LAMA2: variants seen among roughly 807,000 people sequenced by gnomAD.
The protein encoded by LAMA2 is laminin subunit alpha-2.
A neutral mutation model predicts 364.8 loss-of-function variants in LAMA2; 269 were observed. That is an observed-to-expected ratio of 0.74 (90% CI 0.67 to 0.82). LAMA2 has a LOEUF of 0.82. Among genes scored for constraint, LAMA2 ranks in the 40% least tolerant of loss-of-function variants. The pLI, the probability that LAMA2 is intolerant of heterozygous loss-of-function variation, is 0.00. For synonymous variants in LAMA2, 1,379 were observed against 1,370.6 expected (o/e 1.01, Z -0.14); for missense variants, 3,807 against 3,873.2 (o/e 0.98, Z 0.45).
rs570057124 is a variant in LAMA2, at chr6:129,258,393, G to A, written c.2097-2318G>A. On this transcript the variant is annotated intron_variant, in intron 14 of 64. Transcript: ENST00000421865. Reference sequence around the variant, plus strand: ...AATAAACAAAATGTGGCATGTACATGCAGTGAACATTAGTCATTAAAAGGA... The same window carrying A: ...AATAAACAAAATGTGGCATGTACATACAGTGAACATTAGTCATTAAAAGGA... 2.6e-5 allele frequency among the ~76,000 whole-genome samples: 4 copies of A among 152,156 alleles called. No individual in the cohort carries two copies. In the East Asian group the frequency reaches 7.7e-4, roughly 29 times the overall value.
At position 129,460,322 on chromosome 6, in the gene LAMA2, C is replaced by G. The variant is rs977540447; in HGVS notation, c.6990C>G (p.Val2330=). Residue 2330 remains valine (V), a splice_region_variant and synonymous_variant, in exon 49 of 65, where the codon GTC becomes GTG. Transcript: ENST00000421865. ...AAGGTGACTGCAAAGGATGCACTGT[C>G]AGGTTAGTTGAGATGAGAACTCTCC... The part of the protein sequence containing the change: ...EKEGDCKGCT[V]SPQVEDSEGT... 1.1e-5 allele frequency: 18 copies of G among 1,611,830 alleles called. No individual in the cohort carries two copies. The highest frequency in any genetic ancestry group is 1.1e-5 in the South Asian group (1 of 91,034).
intron 1 of LAMA2, among the ~76,000 whole-genome samples, chr6:128,912,007 T>G (rs1172076617): frequency 6.6e-6 from 1 of 152,210 alleles, no homozygotes; most frequent in African/African-American, 2.4e-5. Context: ...CATTTTCCGT[T>G]GAATGAATGT....
intron 37 of LAMA2, 133 bp from the exon 38 acceptor site, chr6:129,401,091 C>T: frequency 1.3e-6 from 1 of 753,898 alleles, no homozygotes; most frequent in Non-Finnish European, 2.4e-6. Flanking sequence ...ATATTTTTCT[C>T]ATCTAGCCAC....
rs1347932494 is a variant in LAMA2, at chr6:128,940,082, T to C, written c.112+56725T>C. On this transcript the variant is annotated intron_variant, in intron 1 of 64. Coordinates refer to ENST00000421865, the MANE Select transcript of LAMA2 (RefSeq NM_000426.4). ...CATGATTTTGCCTCAGTTTTTCAAG[T>C]TATGTTTTGTTCATAATGGATTTTT... is the stretch of plus-strand genomic sequence containing the variant. Among the ~76,000 whole-genome samples, 4 of 151,076 alleles carry C rather than the reference T, an allele frequency of 2.6e-5. No individual in the cohort carries two copies. The East Asian group carries it at 5.8e-4, about 22-fold the overall frequency.
At chr6:128,888,294 C>T (rs1406007200) in intron 1 of LAMA2, among the ~76,000 whole-genome samples, 1 of 152,048 alleles carries the variant, frequency 6.6e-6, no homozygotes. Flanking sequence ...GGCCTATATG[C>T]ATTGGAATGT....
chr6:128,892,691 A>C (rs1479065101), intron 1 of LAMA2, among the ~76,000 whole-genome samples: 2 of 151,920 alleles, frequency 1.3e-5, no homozygotes, highest in Admixed American at 1.3e-4. Flanking sequence ...ATCTCTCAAT[A>C]TAGATTGTCT....
rs1393087449 is a variant in LAMA2 at position 129,393,035 on chromosome 6, G to A, written c.5235-10G>A. The A allele has an allele frequency of 6.2e-7, 1 of 1,610,796 alleles. No homozygotes were observed. On this transcript the variant is annotated splice_polypyrimidine_tract_variant and intron_variant, in intron 36 of 64. Transcript: ENST00000421865. ...CTCATTGTCTATTATTGGGCTGGGG[G>A]TGGTTACAGAGCTGCAGAAGCCCTT... is the stretch of plus-strand genomic sequence containing the variant.
chr6:129,215,110 C>G (rs1321211469), intron 12 of LAMA2, among the ~76,000 whole-genome samples: 1 of 151,902 alleles, frequency 6.6e-6, no homozygotes, highest in East Asian at 1.9e-4. Context: ...ACTTTTATAC[C>G]ACCTTTTTCT....
chr6:129,191,315 C>G (rs1000282342), intron 11 of LAMA2, among the ~76,000 whole-genome samples: 1 of 152,180 alleles, frequency 6.6e-6, no homozygotes, highest in Non-Finnish European at 1.5e-5. Flanking sequence ...AAAATATTTT[C>G]TCTGCCTGCA....
chr6:129,455,035 T>G (rs961464882), intron 47 of LAMA2, among the ~76,000 whole-genome samples: 17 of 152,088 alleles, frequency 1.1e-4, no homozygotes, highest in African/African-American at 3.9e-4. Context: ...TAGAGTTTCA[T>G]GCTGTTTGTA....
intron 3 of LAMA2, among the ~76,000 whole-genome samples, chr6:129,081,241 T>C (rs1175898632): frequency 7.5e-6 from 1 of 132,978 alleles, no homozygotes; most frequent in Non-Finnish European, 1.6e-5. Context: ...CGGGGCCTGT[T>C]GTGGGGTGGG....
intron 12 of LAMA2, among the ~76,000 whole-genome samples, chr6:129,232,621 A>G (rs1784735003): frequency 6.6e-6 from 1 of 152,134 alleles, no homozygotes; most frequent in Admixed American, 6.6e-5. Flanking sequence ...GTATTTCTTT[A>G]TATTGACTGA....
At chr6:129,169,981 T>C (rs533736054) in intron 9 of LAMA2, among the ~76,000 whole-genome samples, 1 of 151,396 alleles carries the variant, frequency 6.6e-6, no homozygotes. Context: ...TGATTTTAGT[T>C]TGTATTTCTG....
At chr6:129,157,360 C>A (rs1047437695) in intron 8 of LAMA2, among the ~76,000 whole-genome samples, 1 of 152,164 alleles carries the variant, frequency 6.6e-6, no homozygotes, top group African/African-American at 2.4e-5. Flanking sequence ...CAGCTTGTAT[C>A]CTAATAAGAG....
Position 128,929,711 on chromosome 6 carries a change from C to T in LAMA2, c.112+46354C>T, listed in dbSNP as rs1287377054. 4.3e-6 allele frequency: 6 copies of T among 1,395,782 alleles called. No individual in the cohort carries two copies. In the Admixed American group the frequency reaches 1.0e-4, roughly 23 times the overall value. The allele number at this position is 1,395,782 out of a possible 1,614,324, so 86.5% of individuals were successfully genotyped here. A position where few individuals can be genotyped will look rare whatever the true frequency, so the allele number is the denominator to read the frequency against. ...CAAGGGCAATCACCCGATGAAACCT[C>T]AAGGTCAGACCTTCCCAATTCTTGT... On this transcript the variant is annotated intron_variant, in intron 1 of 64. Coordinates refer to ENST00000421865, the MANE Select transcript of LAMA2 (RefSeq NM_000426.4).
intron 34 of LAMA2, among the ~76,000 whole-genome samples, chr6:129,371,452 A>G (rs550942459): frequency 1.3e-5 from 2 of 152,274 alleles, no homozygotes; most frequent in Admixed American, 1.3e-4. Context: ...ATGGCATTTC[A>G]TTCATTCATT....
chr6:129,204,454 C>T lies in LAMA2; in HGVS notation c.1782+11601C>T, dbSNP rs971629227. On this transcript the variant is annotated intron_variant, in intron 12 of 64. Transcript: ENST00000421865. ...ATAATATCCTTAAGGTGGGCGCTAA[C>T]GCAATATGACTGGTATCCTTATGAA... Among the ~76,000 whole-genome samples the T allele has an allele frequency of 6.0e-5, 9 of 149,172 alleles. 1 individual carries two copies. In the East Asian group the frequency reaches 9.8e-4, roughly 16 times the overall value.
chr6:129,086,100 T>A (rs1774367751), intron 3 of LAMA2, among the ~76,000 whole-genome samples: 1 of 152,344 alleles, frequency 6.6e-6, no homozygotes, highest in South Asian at 2.1e-4. Context: ...CTTGACAAAC[T>A]GTTGGCGGAA....
intron 28 of LAMA2, among the ~76,000 whole-genome samples, chr6:129,324,695 A>G (rs528481244): frequency 1.3e-4 from 20 of 152,336 alleles, no homozygotes; most frequent in Non-Finnish European, 2.5e-4. Flanking sequence ...ACAGCATGTT[A>G]TTGGTACTGA....
Sources: gnomAD v4.1 joint callset for allele counts (sites outside exome capture counted in the v4.1 genomes callset) on GRCh38, gnomAD v4.1.1 for gene constraint, MANE v1.5 for transcripts, NCBI Gene and HGNC (gene_info 2026-07-23, HGNC 2026-07-21) for gene names.